RASAL2: variants seen among roughly 807,000 people sequenced by gnomAD.
The protein encoded by RASAL2 is ras GTPase-activating protein nGAP.
In RASAL2, 58 loss-of-function variants were observed where a neutral mutation model predicts 128.9. The ratio of observed to expected loss-of-function variants is 0.45; its 90% CI spans 0.36 to 0.56. The LOEUF is 0.56. Ranked by LOEUF, RASAL2 falls within the 20% of genes least tolerant of loss-of-function variation. The probability of loss-of-function intolerance (pLI) is 0.00; values close to 1 mark genes in which losing one functional copy is unlikely to be tolerated. For synonymous variants in RASAL2, 561 were observed against 580.8 expected, an observed-to-expected ratio of 0.97 and a Z score of 0.49; for missense variants, 1,360 against 1,601.6, an observed-to-expected ratio of 0.85 and a Z score of 2.57.
rs138330023 is a variant in RASAL2, at chr1:178,127,120, T to C, written c.202+32426T>C. Among the ~76,000 whole-genome samples, 504 of 152,312 alleles carry C rather than the reference T, an allele frequency of 3.3e-3. 3 individuals carry two copies. The highest frequency in any genetic ancestry group is 0.011 in the African/African-American group (468 of 41,570). ...AGTTGACTCAACCTGTAATGATTAA[T>C]ATTTCCAGAATGTGTGGAATGTGTC... On this transcript the variant is annotated intron_variant, in intron 1 of 17. Transcript: ENST00000367649.
At chr1:178,277,009 G>A (rs1307728649) in intron 1 of RASAL2, among the ~76,000 whole-genome samples, 1 of 151,754 alleles carries the variant, frequency 6.6e-6, no homozygotes, top group Non-Finnish European at 1.5e-5. Flanking sequence ...TTAGCCAGGT[G>A]TGGTGGCGGT....
intron 1 of RASAL2, among the ~76,000 whole-genome samples, chr1:178,180,185 A>C (rs1662040537): frequency 6.6e-6 from 1 of 152,142 alleles, no homozygotes; most frequent in Admixed American, 6.5e-5. Flanking sequence ...AAGGTCGTGT[A>C]TTTTACTGAA....
At chr1:178,285,103 C>CTTTTTTTTTT (rs58901015) in intron 2 of RASAL2, among the ~76,000 whole-genome samples, 5 of 81,956 alleles carry the variant, frequency 6.1e-5, no homozygotes, top group East Asian at 3.4e-4. Context: ...TTGCTACTTT[C>CTTTTTTTTTT]TTTTTTTTTT....
intron 3 of RASAL2, among the ~76,000 whole-genome samples, chr1:178,302,804 G>T (rs1171957226): frequency 1.3e-5 from 2 of 152,178 alleles, no homozygotes; most frequent in Admixed American, 1.3e-4. Flanking sequence ...CACTTTGGGA[G>T]GCCAAGGTGG....
At chr1:178,373,563 C>T (rs1201202756) in intron 3 of RASAL2, among the ~76,000 whole-genome samples, 1 of 151,922 alleles carries the variant, frequency 6.6e-6, no homozygotes, top group Non-Finnish European at 1.5e-5. Flanking sequence ...ATCACTTAGA[C>T]TCTACTACAT....
At chr1:178,114,158 G>T (rs1040688715) in intron 1 of RASAL2, among the ~76,000 whole-genome samples, 2 of 151,330 alleles carry the variant, frequency 1.3e-5, no homozygotes, top group African/African-American at 4.9e-5. Context: ...ACTTCTTTTT[G>T]TAATCAGGAT....
intron 10 of RASAL2, among the ~76,000 whole-genome samples, 162 bp downstream of exon 10, chr1:178,451,877 T>C (rs1677401091): frequency 6.6e-6 from 1 of 152,300 alleles, no homozygotes; most frequent in African/African-American, 2.4e-5. Context: ...TACAGTCCCG[T>C]CTAAAATTGA....
At chr1:178,398,477 T>A in intron 4 of RASAL2, among the ~76,000 whole-genome samples, 1 of 152,224 alleles carries the variant, frequency 6.6e-6, no homozygotes, top group Non-Finnish European at 1.5e-5. Context: ...TATGTGGGTT[T>A]GTTTAGTGGG....
rs372649127 is a variant in RASAL2, at chr1:178,383,100, AAAT to A, written c.458-6991_458-6989del. The stretch of plus-strand genomic sequence containing the variant: ...AACAAGAAGAAATATTAAATATTAA[AAAT>A]AATAATAAATTTACTGAAGCAAGGA... On this transcript the variant is annotated intron_variant, in intron 3 of 17. Coordinates refer to ENST00000367649, the MANE Select transcript of RASAL2 (RefSeq NM_170692.4). 4.1e-4 allele frequency among the ~76,000 whole-genome samples: 63 copies of A among 152,292 alleles called. 1 individual carries two copies. In the East Asian group the frequency reaches 6.6e-3, roughly 16 times the overall value.
In RASAL2 at chr1:178,439,397, C is replaced by T. The variant is rs770963812; in HGVS notation, c.675-25C>T. ...TTCCTTGCTGGCCAAGTTACACTAC[C>T]TTAAATATCTTTTTCTACTTTTAGG... On this transcript the variant is annotated intron_variant, in intron 5 of 17. Coordinates refer to ENST00000367649, the MANE Select transcript of RASAL2 (RefSeq NM_170692.4). 1.3e-5 allele frequency: 21 copies of T among 1,587,060 alleles called. 1 individual carries two copies. In the Admixed American group the frequency reaches 2.9e-4, roughly 22 times the overall value.
intron 1 of RASAL2, among the ~76,000 whole-genome samples, chr1:178,165,175 A>G (rs796547791): frequency 2.0e-5 from 3 of 152,132 alleles, no homozygotes; most frequent in African/African-American, 7.2e-5. Flanking sequence ...GTAAAACTGT[A>G]CGTGCAGGTG....
At chr1:178,278,786 ATC>A (rs1666643196) in intron 1 of RASAL2, among the ~76,000 whole-genome samples, 1 of 152,168 alleles carries the variant, frequency 6.6e-6, no homozygotes, top group Non-Finnish European at 1.5e-5. Context: ...TAAGTTGCTT[ATC>A]CTCTAAGAAA....
chr1:178,467,585 A>C (rs1647861021), intron 17 of RASAL2, among the ~76,000 whole-genome samples, 164 bp downstream of exon 17: 2 of 152,200 alleles, frequency 1.3e-5, no homozygotes, highest in African/African-American at 4.8e-5. Context: ...GACCTCCATT[A>C]TTTTCCTTTC....
At position 178,283,647 on chromosome 1, in the gene RASAL2, A is replaced by G; in HGVS notation, c.286A>G (p.Ile96Val). 2 of 1,613,814 alleles carry G rather than the reference A, an allele frequency of 1.2e-6. No individual in the cohort carries two copies. Among genetic ancestry groups the G allele is most frequent in the Non-Finnish European group, 1.7e-6 (2 of 1,179,952 alleles). Residue 96 changes from isoleucine to valine, a missense_variant, in exon 2 of 18, where the codon ATC becomes GTC. Around this residue, in one of 3 missense-constraint regions of RASAL2, gnomAD observed 617 missense variants for 714.2 expected, o/e 0.86. Transcript: ENST00000367649. Reference protein sequence around the residue: ...ETTTWERKYCILTDSQLVLLN... With the variant: ...ETTTWERKYCVLTDSQLVLLN... The stretch of plus-strand genomic sequence containing the variant: ...AACAACGTGGGAGCGGAAGTATTGC[A>G]TCCTCACAGACAGCCAGTTGGTATT...
In RASAL2 at chr1:178,424,380, T is replaced by C. The variant is rs1056121156; in HGVS notation, c.674+3760T>C. Among the ~76,000 whole-genome samples the C allele has an allele frequency of 2.6e-5, 4 of 151,266 alleles. No homozygotes were observed. In the East Asian group the frequency reaches 7.7e-4, roughly 29 times the overall value. On this transcript the variant is annotated intron_variant, in intron 5 of 17. Coordinates refer to ENST00000367649, the MANE Select transcript of RASAL2 (RefSeq NM_170692.4). ...GCCTCAGCCTCCTGAGTAGCTTGGA[T>C]TGCAGACATAAGCCACTGCCTCCAG... is the stretch of plus-strand genomic sequence containing the variant.
chr1:178,341,691 A>G (rs773213243), intron 3 of RASAL2: 12 of 1,582,838 alleles, frequency 7.6e-6, no homozygotes, highest in Middle Eastern at 3.3e-4. Context: ...ACACAAATGC[A>G]GTGACTATTT....
chr1:178,377,652 A>G (rs928055017), intron 3 of RASAL2, among the ~76,000 whole-genome samples: 1 of 152,150 alleles, frequency 6.6e-6, no homozygotes, highest in East Asian at 1.9e-4. Context: ...ATTGACAAAT[A>G]TAGACAAATC....
At chr1:178,375,923 C>T (rs751008830) in intron 3 of RASAL2, among the ~76,000 whole-genome samples, 2 of 152,000 alleles carry the variant, frequency 1.3e-5, no homozygotes, top group Non-Finnish European at 2.9e-5. Flanking sequence ...CAGGTGGGAG[C>T]TGTTCATCTA....
At chr1:178,364,073 G>A (rs1671267461) in intron 3 of RASAL2, among the ~76,000 whole-genome samples, 1 of 150,654 alleles carries the variant, frequency 6.6e-6, no homozygotes, top group Non-Finnish European at 1.5e-5. Context: ...TCCAGCCTGG[G>A]TGACAGAGCG....
Sources: allele counts gnomAD v4.1 joint callset (sites outside exome capture counted in the v4.1 genomes callset), GRCh38; gene constraint gnomAD v4.1.1; regional missense constraint gnomAD v4.1.1; transcripts MANE v1.5; gene names NCBI Gene and HGNC (gene_info 2026-07-23, HGNC 2026-07-21).